SESTD1: variants seen among roughly 807,000 people sequenced by gnomAD.
The protein encoded by SESTD1 is SEC14 domain and spectrin repeat-containing protein 1.
SESTD1 carries 43 observed loss-of-function variants against 101.7 expected under a neutral mutation model. The observed-to-expected ratio is 0.42, with a 90% CI of 0.33 to 0.55. The LOEUF (loss-of-function observed/expected upper bound fraction) is 0.55, where lower values mean the gene tolerates loss of function less well. Among genes scored for constraint, SESTD1 ranks in the 20% least tolerant of loss-of-function variants. SESTD1 has a pLI of 0.07. For missense variants in SESTD1, 647 were observed against 815.1 expected (o/e 0.79, Z 2.51); for synonymous variants, 283 against 286.8 (o/e 0.99, Z 0.13).
intron 2 of SESTD1, among the ~76,000 whole-genome samples, chr2:179,185,760 T>TATATA (rs2046215604): frequency 8.2e-6 from 1 of 122,000 alleles, no homozygotes; most frequent in African/African-American, 3.2e-5. Flanking sequence ...TTATATACAA[T>TATATA]ATATAATATA....
At chr2:179,218,977 T>C (rs1217968695) in intron 1 of SESTD1, among the ~76,000 whole-genome samples, 1 of 152,154 alleles carries the variant, frequency 6.6e-6, no homozygotes, top group African/African-American at 2.4e-5. Flanking sequence ...ACTCTAAGAA[T>C]CCTAACATTG....
Position 179,105,376 on chromosome 2 carries a change from G to C in SESTD1, c.*4523C>G, listed in dbSNP as rs1267617282. 1 of 151,980 alleles carries C rather than the reference G, an allele frequency of 6.6e-6. No homozygotes were observed. Among genetic ancestry groups the C allele is most frequent in the East Asian group, 1.9e-4 (1 of 5,190 alleles). 9.4% of individuals were successfully genotyped at this position (151,980 alleles called of 1,614,324 possible). A position where few individuals can be genotyped will look rare whatever the true frequency, so the allele number is the denominator to read the frequency against. On this transcript the variant is annotated 3_prime_UTR_variant, in exon 18 of 18. Coordinates refer to ENST00000428443, the MANE Select transcript of SESTD1 (RefSeq NM_178123.5). ...CTCATCACTTGTCTTCCATCTTGCT[G>C]TTCTATTATCTTCCTACAAAAATAG...
chr2:179,257,400 G>C (rs1395663925), intron 1 of SESTD1, among the ~76,000 whole-genome samples: 2 of 152,144 alleles, frequency 1.3e-5, no homozygotes, highest in African/African-American at 4.8e-5. Flanking sequence ...TTTAAATGAA[G>C]ATATACGTAG....
intron 1 of SESTD1, among the ~76,000 whole-genome samples, chr2:179,243,811 C>A (rs1325122536): frequency 6.6e-6 from 1 of 152,038 alleles, no homozygotes; most frequent in Non-Finnish European, 1.5e-5. Context: ...GTACTTTACT[C>A]ACTACCTGGG....
chr2:179,192,275 T>C (rs1039609587), intron 1 of SESTD1, among the ~76,000 whole-genome samples: 4 of 152,190 alleles, frequency 2.6e-5, no homozygotes, highest in African/African-American at 9.7e-5. Flanking sequence ...AAACAGGCAG[T>C]CAATCTTCCT....
intron 5 of SESTD1, among the ~76,000 whole-genome samples, chr2:179,164,735 G>C (rs768262282): frequency 3.3e-5 from 5 of 152,086 alleles, no homozygotes; most frequent in East Asian, 1.9e-4. Flanking sequence ...AGGTTACCTA[G>C]AAGAAAAAAT....
rs908398276 is a variant in SESTD1, at chr2:179,160,890, C to A, written c.370-9499G>T. Among the ~76,000 whole-genome samples, 5 of 151,810 alleles carry A rather than the reference C, an allele frequency of 3.3e-5. No individual in the cohort carries two copies. The South Asian group carries it at 8.3e-4, about 25-fold the overall frequency. ...AAAAAGGATTTACTTATTAGTACTACAAAATACTAAATTAAAGCAAACTTC... is the reference window on the plus strand; with the variant it reads ...AAAAAGGATTTACTTATTAGTACTAAAAAATACTAAATTAAAGCAAACTTC... On this transcript the variant is annotated intron_variant, in intron 5 of 17. Coordinates refer to ENST00000428443, the MANE Select transcript of SESTD1 (RefSeq NM_178123.5).
chr2:179,217,930 C>T (rs1469213358), intron 1 of SESTD1, among the ~76,000 whole-genome samples: 4 of 150,506 alleles, frequency 2.7e-5, no homozygotes, highest in Non-Finnish European at 5.9e-5. Context: ...AACTGAACAA[C>T]GAGAACACTT....
At position 179,106,173 on chromosome 2, in the gene SESTD1, G is replaced by A. The variant is rs1454096401; in HGVS notation, c.*3726C>T. The A allele has an allele frequency of 6.6e-6, 1 of 152,114 alleles. No individual in the cohort carries two copies. Among genetic ancestry groups the A allele is most frequent in the Non-Finnish European group, 1.5e-5 (1 of 68,006 alleles). 9.4% of individuals were successfully genotyped at this position (152,114 alleles called of 1,614,324 possible). ...GAGAATTTTTCCTTTGGGGGCTTAA[G>A]CAAAGATATCCTAATCATACAGATC... On this transcript the variant is annotated 3_prime_UTR_variant, in exon 18 of 18. Transcript: ENST00000428443.
intron 1 of SESTD1, among the ~76,000 whole-genome samples, chr2:179,235,246 A>G (rs778439458): frequency 1.4e-4 from 21 of 152,226 alleles, no homozygotes; most frequent in African/African-American, 3.1e-4. Flanking sequence ...ATAAAGGGAC[A>G]TAAGTATTTA....
chr2:179,218,541 C>T (rs1369644650), intron 1 of SESTD1, among the ~76,000 whole-genome samples: 1 of 150,428 alleles, frequency 6.6e-6, no homozygotes, highest in Non-Finnish European at 1.5e-5. Context: ...TTTGTGTTAC[C>T]TTCAACCAAA....
intron 1 of SESTD1, among the ~76,000 whole-genome samples, chr2:179,249,060 C>T (rs1343062014): frequency 1.4e-5 from 2 of 144,320 alleles, no homozygotes. Context: ...CACTGCACTC[C>T]AGCCTGGGTG....
At chr2:179,235,877 T>A (rs1384855335) in intron 1 of SESTD1, among the ~76,000 whole-genome samples, 7 of 152,184 alleles carry the variant, frequency 4.6e-5, no homozygotes, top group African/African-American at 1.2e-4. Flanking sequence ...TGTTTCACGG[T>A]TTGAGCCCTG....
intron 1 of SESTD1, among the ~76,000 whole-genome samples, chr2:179,235,048 T>TATAA (rs2047047272): frequency 6.6e-6 from 1 of 151,742 alleles, no homozygotes; most frequent in South Asian, 2.1e-4. Context: ...AAGTAACACA[T>TATAA]ATAATCCTGA....
intron 1 of SESTD1, among the ~76,000 whole-genome samples, chr2:179,259,807 A>G (rs1312887159): frequency 1.3e-5 from 2 of 152,232 alleles, no homozygotes; most frequent in Non-Finnish European, 2.9e-5. Flanking sequence ...ACTGCCCTAT[A>G]AGTGTTATCT....
At chr2:179,174,740 C>G (rs1411568455) in intron 4 of SESTD1, among the ~76,000 whole-genome samples, 2 of 152,098 alleles carry the variant, frequency 1.3e-5, no homozygotes, top group East Asian at 3.9e-4. Context: ...GCAGAAGGAT[C>G]ACCTGAGCTC....
intron 1 of SESTD1, among the ~76,000 whole-genome samples, chr2:179,230,114 T>TCTCTC (rs1491528980): frequency 9.3e-5 from 2 of 21,504 alleles, no homozygotes; most frequent in Non-Finnish European, 1.5e-4. Context: ...ATTGTATCTC[T>TCTCTC]TTTTTTTTTT....
At chr2:179,111,305 C>A (rs1353732082) in intron 17 of SESTD1, among the ~76,000 whole-genome samples, 1 of 152,184 alleles carries the variant, frequency 6.6e-6, no homozygotes, top group African/African-American at 2.4e-5. Context: ...AAAATGCCAT[C>A]TTTTCAATAT....
intron 5 of SESTD1, among the ~76,000 whole-genome samples, chr2:179,158,124 C>A (rs1486545263): frequency 6.6e-6 from 1 of 152,160 alleles, no homozygotes; most frequent in Admixed American, 6.5e-5. Flanking sequence ...CACAAATTCA[C>A]TAAATTTGTA....
Sources: gnomAD v4.1 joint callset for allele counts (sites outside exome capture counted in the v4.1 genomes callset) on GRCh38, gnomAD v4.1.1 for gene constraint, MANE v1.5 for transcripts, NCBI Gene and HGNC (gene_info 2026-07-23, HGNC 2026-07-21) for gene names.